HIVEP3: variants seen among roughly 807,000 people sequenced by gnomAD.
HIVEP3 encodes HIVEP zinc finger 3, also known as transcription factor HIVEP3.
Under a neutral mutation model 152.8 loss-of-function variants are expected in HIVEP3, and 49 were observed. The observed-to-expected ratio is 0.32, with a 90% CI of 0.26 to 0.41. The LOEUF (loss-of-function observed/expected upper bound fraction) is 0.41, where lower values mean the gene tolerates loss of function less well. HIVEP3 is among the 10% of genes least tolerant of loss of function. The pLI is 1.00. For synonymous variants in HIVEP3, 1,269 were observed against 1,289.0 expected (o/e 0.98, Z 0.33); for missense variants, 2,790 against 3,103.3 (o/e 0.90, Z 2.40).
At position 41,582,149 on chromosome 1, in the gene HIVEP3, C is replaced by G. The variant is rs1288893989; in HGVS notation, c.2649G>C (p.Glu883Asp). The change falls in exon 4 of 9, where the codon GAG (glutamate) becomes GAC (aspartate). Residue 883 changes from glutamate (E) to aspartate (D), a missense_variant. Glu to Asp is a conservative substitution (Grantham distance 45). Transcript: ENST00000372583. The surrounding 1 kb of genome is among the most constrained non-coding windows in gnomAD (Gnocchi z 4.7). Reference sequence around the variant, plus strand: ...TCTGGCTGCGCTGGGGCCATTGGAACTCCTCAGTCTTCTCAGGTTCCTTAG... The same window carrying G: ...TCTGGCTGCGCTGGGGCCATTGGAAGTCCTCAGTCTTCTCAGGTTCCTTAG... ...PPPKEPEKTE[E>D]FQWPQRSQTL... is the part of the protein sequence containing the mutation. The G allele has an allele frequency of 6.2e-7, 1 of 1,614,022 alleles. No individual in the cohort carries two copies.
chr1:41,724,865 G>A (rs58072586), intron 1 of HIVEP3, among the ~76,000 whole-genome samples: 2,127 of 152,316 alleles, frequency 0.014, 44 homozygotes, highest in African/African-American at 0.048. Context: ...GTGAGAGTCC[G>A]GCTGGGGCTC....
rs371658399 is a variant in HIVEP3 at position 41,773,133 on chromosome 1, G to A, written c.-800-72138C>T. The stretch of plus-strand genomic sequence containing the variant: ...AACACCTACTGGTCAGCCAGATGCT[G>A]TGCTGGGTGCTTCCCTCACAAGGCC... On this transcript the variant is annotated intron_variant, in intron 1 of 8. Transcript: ENST00000372583. 1.2e-3 allele frequency among the ~76,000 whole-genome samples: 178 copies of A among 152,290 alleles called. 4 individuals carry two copies. In the South Asian group the frequency reaches 0.035, roughly 30 times the overall value.
intron 6 of HIVEP3, among the ~76,000 whole-genome samples, chr1:41,519,805 T>C (rs1642709225): frequency 1.3e-5 from 2 of 151,910 alleles, no homozygotes; most frequent in Non-Finnish European, 2.9e-5. Context: ...GATAAGGAGA[T>C]GAATAGGCAG....
chr1:41,779,613 G>A (rs1452003237), intron 1 of HIVEP3, among the ~76,000 whole-genome samples: 4 of 152,092 alleles, frequency 2.6e-5, no homozygotes, highest in Admixed American at 6.5e-5. Context: ...CTCCTACTTC[G>A]GCCTCCCGAA....
chr1:41,944,081 G>A (rs1645061917), intron 1 of HIVEP3, among the ~76,000 whole-genome samples: 1 of 152,178 alleles, frequency 6.6e-6, no homozygotes, highest in South Asian at 2.1e-4. Flanking sequence ...AATTCATAGA[G>A]ACAGAAAGTG....
chr1:41,756,897 T>C (rs940013038), intron 1 of HIVEP3, among the ~76,000 whole-genome samples: 1 of 152,060 alleles, frequency 6.6e-6, no homozygotes, highest in Non-Finnish European at 1.5e-5. Context: ...AATAAACAAA[T>C]AATATACACA....
At chr1:41,951,655 G>C (rs952234348) in intron 1 of HIVEP3, among the ~76,000 whole-genome samples, 3 of 152,104 alleles carry the variant, frequency 2.0e-5, no homozygotes, top group Non-Finnish European at 4.4e-5. Context: ...CACGTGGCTG[G>C]GGAGGCCTCA....
At chr1:41,726,144 T>G (rs1463858850) in intron 1 of HIVEP3, among the ~76,000 whole-genome samples, 1 of 152,266 alleles carries the variant, frequency 6.6e-6, no homozygotes, top group Admixed American at 6.5e-5. Context: ...TTTTCATATT[T>G]TGAAACCAAA....
In HIVEP3 at chr1:41,533,897, G is replaced by A. The variant is rs949577708; in HGVS notation, c.5208-8987C>T. Among the ~76,000 whole-genome samples, 2 of 148,492 alleles carry A rather than the reference G, an allele frequency of 1.3e-5. No individual in the cohort carries two copies. The highest frequency in any genetic ancestry group is 5.0e-5 in the African/African-American group (2 of 39,950). ...CTCATACCTTGCGTGCCCAGAACCA[G>A]CCTTCCAAGTCCCTCTACCTGCAGT... On this transcript the variant is annotated intron_variant, in intron 5 of 8. Transcript: ENST00000372583. The surrounding 1 kb of genome is among the most constrained non-coding windows in gnomAD (Gnocchi z 4.3).
At chr1:41,713,011 C>T in intron 1 of HIVEP3, among the ~76,000 whole-genome samples, 1 of 151,946 alleles carries the variant, frequency 6.6e-6, no homozygotes, top group East Asian at 2.0e-4. Flanking sequence ...GTGGTCCTTC[C>T]ACTTCTGAGA....
At chr1:41,725,155 A>C (rs1646733898) in intron 1 of HIVEP3, among the ~76,000 whole-genome samples, 1 of 152,248 alleles carries the variant, frequency 6.6e-6, no homozygotes, top group Non-Finnish European at 1.5e-5. Context: ...TCTTTGAATG[A>C]AACAGCTGAC....
chr1:41,971,991 C>T (rs1645232595), intron 1 of HIVEP3, among the ~76,000 whole-genome samples: 1 of 152,178 alleles, frequency 6.6e-6, no homozygotes. Context: ...CCTCACCAGA[C>T]ACCAAATCTG....
chr1:41,841,465 A>C (rs1035885547), intron 1 of HIVEP3, among the ~76,000 whole-genome samples: 17 of 152,216 alleles, frequency 1.1e-4, no homozygotes, highest in Non-Finnish European at 4.4e-5. Flanking sequence ...TGCAGCACTG[A>C]TAAGCTGGAC....
chr1:41,908,951 G>T (rs1192640338), intron 1 of HIVEP3, among the ~76,000 whole-genome samples: 1 of 152,046 alleles, frequency 6.6e-6, no homozygotes, highest in Non-Finnish European at 1.5e-5. Context: ...CCAAGTATGA[G>T]AAATAAAAAT....
intron 5 of HIVEP3, among the ~76,000 whole-genome samples, chr1:41,528,087 C>T (rs1365753707): frequency 7.4e-6 from 1 of 134,276 alleles, no homozygotes; most frequent in Non-Finnish European, 1.6e-5. Context: ...CTTGCCCTCA[C>T]ACCTTCACAC....
intron 1 of HIVEP3, among the ~76,000 whole-genome samples, chr1:41,875,799 C>G (rs1173198408): frequency 6.6e-6 from 1 of 152,240 alleles, no homozygotes; most frequent in Non-Finnish European, 1.5e-5. Context: ...ATGCCCTGCA[C>G]CTTCTTCTCT....
At chr1:41,597,526 G>C (rs1255852341) in intron 3 of HIVEP3, among the ~76,000 whole-genome samples, 1 of 152,084 alleles carries the variant, frequency 6.6e-6, no homozygotes, top group Non-Finnish European at 1.5e-5. Context: ...CCCTTCAGGC[G>C]GGTACTATTA....
intron 1 of HIVEP3, among the ~76,000 whole-genome samples, chr1:41,863,632 C>T (rs609572): frequency 0.91 from 137,850 of 152,274 alleles, 62,724 homozygotes; most frequent in African/African-American, 0.98. Flanking sequence ...GGTTCTCCAG[C>T]GGAGGTGCGG....
At chr1:41,551,677 T>C (rs1219977576) in intron 5 of HIVEP3, among the ~76,000 whole-genome samples, 3 of 152,230 alleles carry the variant, frequency 2.0e-5, no homozygotes, top group Non-Finnish European at 4.4e-5. Context: ...GAGATGTTTA[T>C]AGTATTCTCT....
Sources: gnomAD v4.1 joint callset for allele counts (sites outside exome capture counted in the v4.1 genomes callset) on GRCh38, gnomAD v4.1.1 for gene constraint, Gnocchi (gnomAD v3.1) non-coding constraint, MANE v1.5 for transcripts, NCBI Gene and HGNC (gene_info 2026-07-23, HGNC 2026-07-21) for gene names.